The following FHIT variants were observed in gnomAD, a reference collection of about 807,000 sequenced individuals.
The protein encoded by FHIT is fragile histidine triad diadenosine triphosphatase.
FHIT carries 19 observed loss-of-function variants against 17.9 expected under a neutral mutation model. The observed-to-expected ratio is 1.06, with a 90% CI of 0.74 to 1.56. FHIT has a LOEUF of 1.56. Among genes scored for constraint, FHIT ranks in the 40% most tolerant of loss-of-function variants. The pLI is 0.00. For missense variants in FHIT, 248 were observed against 189.2 expected, an observed-to-expected ratio of 1.31 and a Z score of -1.82; for synonymous variants, 81 against 69.7, an observed-to-expected ratio of 1.16 and a Z score of -0.81.
chr3:60,374,412 A>G (rs1263450474), intron 5 of FHIT, among the ~76,000 whole-genome samples: 1 of 151,968 alleles, frequency 6.6e-6, no homozygotes, highest in Non-Finnish European at 1.5e-5. Flanking sequence ...TTTTTACTCA[A>G]TTCTACTCTG....
chr3:59,781,450 C>T (rs1403494345), intron 8 of FHIT, among the ~76,000 whole-genome samples: 1 of 152,182 alleles, frequency 6.6e-6, no homozygotes, highest in Non-Finnish European at 1.5e-5. Flanking sequence ...CACCTTTAAG[C>T]AACTCCTAAG....
intron 4 of FHIT, among the ~76,000 whole-genome samples, chr3:60,670,228 G>T (rs2107840974): frequency 6.6e-6 from 1 of 152,276 alleles, no homozygotes; most frequent in African/African-American, 2.4e-5. Context: ...GGTGTAGGAA[G>T]ACTGTAATTC....
At chr3:60,312,663 G>C (rs1171772554) in intron 5 of FHIT, among the ~76,000 whole-genome samples, 1 of 152,044 alleles carries the variant, frequency 6.6e-6, no homozygotes, top group African/African-American at 2.4e-5. Flanking sequence ...AGCTGCTCCT[G>C]CCAGCCTATC....
In FHIT at chr3:60,360,987, TC is replaced by T. The variant is rs538797335; in HGVS notation, c.103+175872del. ...CCGACCCATGTGATTCCTACTTTTC[TC>T]CCCACAAATTCATATACCTCCCACT... On this transcript the variant is annotated intron_variant, in intron 5 of 9. Coordinates refer to ENST00000492590, the MANE Select transcript of FHIT (RefSeq NM_002012.4). Among the ~76,000 whole-genome samples the T allele has an allele frequency of 3.5e-4, 54 of 152,310 alleles. No homozygotes were observed. The East Asian group carries it at 0.01, about 28-fold the overall frequency.
At chr3:59,929,301 G>A (rs928930756) in intron 7 of FHIT, among the ~76,000 whole-genome samples, 7 of 149,662 alleles carry the variant, frequency 4.7e-5, no homozygotes, top group Non-Finnish European at 1.0e-4. Context: ...AATTTTATAG[G>A]TAAGGAAGAG....
Position 60,396,175 on chromosome 3 carries a change from G to T in FHIT, c.103+140685C>A, listed in dbSNP as rs541555144. 1.6e-4 allele frequency among the ~76,000 whole-genome samples: 25 copies of T among 152,198 alleles called. No homozygotes were observed. The South Asian group carries it at 4.6e-3, about 28-fold the overall frequency. ...GTCTGGCCCTCTTGTTGATATTTGG[G>T]TAAGTCTCCTAGAATTTGAAACTTC... On this transcript the variant is annotated intron_variant, in intron 5 of 9. Coordinates refer to ENST00000492590, the MANE Select transcript of FHIT (RefSeq NM_002012.4).
chr3:60,415,692 T>G lies in FHIT; in HGVS notation c.103+121168A>C, dbSNP rs1046784896. ...AACATCAAGCTCAGAGACAGAATGT[T>G]TAGCAGTGAAGGGTAGAAACTGAAG... On this transcript the variant is annotated intron_variant, in intron 5 of 9. Coordinates refer to ENST00000492590, the MANE Select transcript of FHIT (RefSeq NM_002012.4). Among the ~76,000 whole-genome samples, 3 of 150,860 alleles carry G rather than the reference T, an allele frequency of 2.0e-5. No homozygotes were observed. The Admixed American group carries it at 2.0e-4, about 10-fold the overall frequency.
At chr3:59,943,209 G>C (rs1451041998) in intron 7 of FHIT, among the ~76,000 whole-genome samples, 3 of 152,144 alleles carry the variant, frequency 2.0e-5, no homozygotes, top group Admixed American at 6.5e-5. Flanking sequence ...TCAGGAAGCT[G>C]ATCAGGAACC....
chr3:60,434,174 T>C (rs776207619), intron 5 of FHIT, among the ~76,000 whole-genome samples: 1 of 152,246 alleles, frequency 6.6e-6, no homozygotes, highest in South Asian at 2.1e-4. Context: ...GTATACCTTG[T>C]CTGTACCGTT....
chr3:61,087,591 T>C (rs970912299), intron 2 of FHIT, among the ~76,000 whole-genome samples: 1 of 152,164 alleles, frequency 6.6e-6, no homozygotes, highest in Non-Finnish European at 1.5e-5. Flanking sequence ...CAAGAGCTAT[T>C]GTGATGACTG....
chr3:59,967,112 T>C (rs765993942), intron 7 of FHIT, among the ~76,000 whole-genome samples: 5 of 152,056 alleles, frequency 3.3e-5, no homozygotes, highest in South Asian at 2.1e-4. Flanking sequence ...TCAGTATCAC[T>C]CTCTTCTATG....
intron 8 of FHIT, among the ~76,000 whole-genome samples, chr3:59,843,902 G>T (rs1701622185): frequency 6.6e-6 from 1 of 152,044 alleles, no homozygotes; most frequent in East Asian, 1.9e-4. Flanking sequence ...GAGTCCTAGT[G>T]GGAGGTGACT....
intron 2 of FHIT, among the ~76,000 whole-genome samples, chr3:61,115,234 G>A (rs570463895): frequency 6.6e-6 from 1 of 152,176 alleles, no homozygotes; most frequent in South Asian, 2.1e-4. Flanking sequence ...AATTATAATT[G>A]GAAATAAGTG....
chr3:59,964,548 T>A (rs1188041710), intron 7 of FHIT, among the ~76,000 whole-genome samples: 1 of 152,066 alleles, frequency 6.6e-6, no homozygotes, highest in Non-Finnish European at 1.5e-5. Flanking sequence ...GGAAGTTTCA[T>A]CCACTAGAGG....
chr3:61,188,350 C>G (rs1200222968), intron 2 of FHIT, among the ~76,000 whole-genome samples: 1 of 152,008 alleles, frequency 6.6e-6, no homozygotes, highest in Non-Finnish European at 1.5e-5. Flanking sequence ...GATAAATTCC[C>G]GGACACATAC....
intron 5 of FHIT, among the ~76,000 whole-genome samples, chr3:60,115,176 A>T (rs6798840): frequency 0.5 from 76,128 of 151,842 alleles, 19,732 homozygotes; most frequent in African/African-American, 0.6. Flanking sequence ...ATGAAACATA[A>T]CGCCCCAGAA....
intron 5 of FHIT, among the ~76,000 whole-genome samples, chr3:60,513,188 G>A (rs529607597): frequency 2.0e-5 from 3 of 152,130 alleles, no homozygotes; most frequent in African/African-American, 2.4e-5. Flanking sequence ...ACAGAGACAC[G>A]GCACAGATAT....
chr3:59,985,486 A>C (rs1708855218), intron 7 of FHIT, among the ~76,000 whole-genome samples: 3 of 152,162 alleles, frequency 2.0e-5, no homozygotes, highest in Admixed American at 6.6e-5. Context: ...AGTGTAAGTA[A>C]GTAAAGCAAT....
At chr3:60,097,635 T>A (rs543641605) in intron 5 of FHIT, among the ~76,000 whole-genome samples, 1 of 152,196 alleles carries the variant, frequency 6.6e-6, no homozygotes, top group South Asian at 2.1e-4. Flanking sequence ...TTCCACTTAA[T>A]AGTAATTATA....
Sources: gnomAD v4.1 joint callset for allele counts (sites outside exome capture counted in the v4.1 genomes callset) on GRCh38, gnomAD v4.1.1 for gene constraint, MANE v1.5 for transcripts, NCBI Gene and HGNC (gene_info 2026-07-23, HGNC 2026-07-21) for gene names.